The following DAB1 variants were observed in gnomAD, a reference collection of about 807,000 sequenced individuals.
DAB1 encodes disabled homolog 1.
A neutral mutation model predicts 64.6 loss-of-function variants in DAB1; 15 were observed. The ratio of observed to expected loss-of-function variants is 0.23; its 90% CI spans 0.16 to 0.36. The LOEUF (loss-of-function observed/expected upper bound fraction) is 0.36, where lower values mean the gene tolerates loss of function less well. Ranked by LOEUF, DAB1 falls within the 10% of genes least tolerant of loss-of-function variation. The pLI is 1.00. For missense variants in DAB1, 596 were observed against 706.7 expected (o/e 0.84, Z 1.78); for synonymous variants, 235 against 251.9 (o/e 0.93, Z 0.64).
chr1:57,385,034 A>C (rs188732632), intron 1 of DAB1, among the ~76,000 whole-genome samples: 1 of 152,364 alleles, frequency 6.6e-6, no homozygotes, highest in Admixed American at 6.5e-5. Context: ...TAGGTTATAC[A>C]GAAACACAAA....
chr1:58,232,381 C>T (rs967876635), intron 4 of DAB1, among the ~76,000 whole-genome samples: 1 of 152,058 alleles, frequency 6.6e-6, no homozygotes, highest in Non-Finnish European at 1.5e-5. Context: ...ACAAAGTACA[C>T]ATCTCAGAGC....
chr1:57,619,476 C>T (rs1158432620), intron 7 of DAB1, among the ~76,000 whole-genome samples: 1 of 152,154 alleles, frequency 6.6e-6, no homozygotes, highest in Non-Finnish European at 1.5e-5. Flanking sequence ...TCATAACTCA[C>T]TGAAGCCTCA....
Position 57,834,109 on chromosome 1 carries a change from T to C in DAB1, n.88-7654A>G, listed in dbSNP as rs559076962. 3.3e-5 allele frequency among the ~76,000 whole-genome samples: 5 copies of C among 152,320 alleles called. No homozygotes were observed. In the South Asian group the frequency reaches 6.2e-4, roughly 19 times the overall value. ...CATTAGAATATAAAATGTGGAAATA[T>C]AAAGTAGCATTAAACAACTGCAAAT... On this transcript the variant is annotated intron_variant and non_coding_transcript_variant, in intron 1 of 1. Coordinates refer to the DAB1 transcript ENST00000477280.
At chr1:57,344,189 T>C (rs140037822) in intron 1 of DAB1, among the ~76,000 whole-genome samples, 27 of 152,334 alleles carry the variant, frequency 1.8e-4, no homozygotes, top group African/African-American at 6.0e-4. Context: ...ATGATCAGAT[T>C]CCAAAGTCTT....
At chr1:57,720,358 G>A (rs1383481785) in intron 6 of DAB1, among the ~76,000 whole-genome samples, 6 of 152,182 alleles carry the variant, frequency 3.9e-5, no homozygotes, top group Non-Finnish European at 5.9e-5. Context: ...ACAGAGGTGG[G>A]ATGCAGTGAA....
intron 6 of DAB1, among the ~76,000 whole-genome samples, chr1:57,668,356 G>C (rs945459524): frequency 4.6e-5 from 7 of 152,018 alleles, no homozygotes; most frequent in Admixed American, 2.6e-4. Context: ...ACCTACCTTA[G>C]AGGTAAAGCA....
At position 57,928,984 on chromosome 1, in the gene DAB1, G is replaced by C. The variant is rs192851357; in HGVS notation, n.388-44822C>G. 8.3e-4 allele frequency among the ~76,000 whole-genome samples: 126 copies of C among 152,288 alleles called. 1 individual carries two copies. Among genetic ancestry groups the C allele is most frequent in the Middle Eastern group, 3.4e-3 (1 of 294 alleles). Reference sequence around the variant, plus strand: ...GCACAATTGCGGGGTCAAATGCTAAGAGCATGTTTAGTTTTGTAAAAAAAC... The same window carrying C: ...GCACAATTGCGGGGTCAAATGCTAACAGCATGTTTAGTTTTGTAAAAAAAC... On this transcript the variant is annotated intron_variant and non_coding_transcript_variant, in intron 5 of 20. Transcript: ENST00000485760.
rs1225750630 is a variant in DAB1 at position 57,567,601 on chromosome 1, A to G, written n.625+81991T>C. ...AAGTCTCAGGATACAAAATCAATGT[A>G]CAAAAATCACATGCATTCTTATACA... On this transcript the variant is annotated intron_variant and non_coding_transcript_variant, in intron 7 of 20. Coordinates refer to the DAB1 transcript ENST00000485760. 1.4e-4 allele frequency among the ~76,000 whole-genome samples: 21 copies of G among 152,312 alleles called. No homozygotes were observed. In the East Asian group the frequency reaches 4.0e-3, roughly 29 times the overall value.
intron 5 of DAB1, among the ~76,000 whole-genome samples, chr1:58,082,927 T>G (rs1650087967): frequency 6.6e-6 from 1 of 152,214 alleles, no homozygotes; most frequent in Non-Finnish European, 1.5e-5. Context: ...TTTCAAGGGG[T>G]TTGAAATTTA....
chr1:57,162,403 C>T (rs1005192168), intron 2 of DAB1, among the ~76,000 whole-genome samples: 1 of 152,214 alleles, frequency 6.6e-6, no homozygotes, highest in East Asian at 1.9e-4. Flanking sequence ...TGGATTTACT[C>T]AGTGAGTCTG....
chr1:57,559,746 G>A (rs930628186), intron 7 of DAB1, among the ~76,000 whole-genome samples: 12 of 152,258 alleles, frequency 7.9e-5, no homozygotes, highest in Admixed American at 3.3e-4. Context: ...ACCCCACATC[G>A]GCTCCCTGAC....
intron 7 of DAB1, among the ~76,000 whole-genome samples, chr1:57,522,994 C>T (rs969853969): frequency 1.3e-5 from 2 of 152,210 alleles, no homozygotes; most frequent in Non-Finnish European, 2.9e-5. Context: ...AAAGGCTGCA[C>T]TGTCAGATTC....
intron 6 of DAB1, among the ~76,000 whole-genome samples, chr1:57,677,640 T>C (rs551569588): frequency 2.0e-5 from 3 of 152,308 alleles, no homozygotes; most frequent in African/African-American, 7.2e-5. Context: ...ATAGAATTGC[T>C]TAGCTGAGAT....
intron 6 of DAB1, among the ~76,000 whole-genome samples, chr1:57,803,384 T>A (rs1475713580): frequency 1.3e-5 from 2 of 152,214 alleles, no homozygotes; most frequent in East Asian, 3.9e-4. Context: ...GAACATAGAG[T>A]TTCTGACCTC....
chr1:58,043,876 C>A (rs1647182299), intron 5 of DAB1, among the ~76,000 whole-genome samples: 1 of 152,108 alleles, frequency 6.6e-6, no homozygotes, highest in Non-Finnish European at 1.5e-5. Flanking sequence ...TATAGGCACA[C>A]ACCACTACGT....
chr1:58,396,991 G>A (rs1290374003), intron 3 of DAB1, among the ~76,000 whole-genome samples: 2 of 151,988 alleles, frequency 1.3e-5, no homozygotes, highest in South Asian at 2.1e-4. Context: ...CGTGAACCCG[G>A]GAGGCGGAGC....
chr1:58,008,063 A>T (rs1296298203), intron 5 of DAB1, among the ~76,000 whole-genome samples: 1 of 152,206 alleles, frequency 6.6e-6, no homozygotes, highest in African/African-American at 2.4e-5. Context: ...ATCACTATGC[A>T]TGGAATACCT....
intron 4 of DAB1, among the ~76,000 whole-genome samples, chr1:58,172,134 A>G (rs889860391): frequency 4.6e-5 from 7 of 152,226 alleles, no homozygotes; most frequent in Admixed American, 4.6e-4. Flanking sequence ...TGGGAACCAG[A>G]GGCAGAAACA....
intron 6 of DAB1, among the ~76,000 whole-genome samples, chr1:57,812,360 GA>G (rs534814394): frequency 6.8e-6 from 1 of 147,162 alleles, no homozygotes; most frequent in Non-Finnish European, 1.5e-5. Flanking sequence ...AGAAAAGAAA[GA>G]AAGAAAAAAG....
Sources: allele counts gnomAD v4.1 joint callset (sites outside exome capture counted in the v4.1 genomes callset), GRCh38; gene constraint gnomAD v4.1.1; transcripts MANE v1.5; gene names NCBI Gene and HGNC (gene_info 2026-07-23, HGNC 2026-07-21).